The following USP49 variants were observed in gnomAD, a reference collection of about 807,000 sequenced individuals.
USP49 encodes ubiquitin carboxyl-terminal hydrolase 49.
Under a neutral mutation model 58.6 loss-of-function variants are expected in USP49, and 24 were observed. That is an observed-to-expected ratio of 0.41 (90% CI 0.30 to 0.58). USP49 has a LOEUF of 0.58. Among genes scored for constraint, USP49 ranks in the 20% least tolerant of loss-of-function variants. USP49 has a pLI of 0.30. For synonymous variants in USP49, 408 were observed against 365.1 expected, an observed-to-expected ratio of 1.12 and a Z score of -1.34; for missense variants, 703 against 866.1, an observed-to-expected ratio of 0.81 and a Z score of 2.36.
At chr6:41,861,941 A>G (rs1266999973) in intron 3 of USP49, among the ~76,000 whole-genome samples, 5 of 152,038 alleles carry the variant, frequency 3.3e-5, no homozygotes, top group African/African-American at 1.2e-4. Context: ...CCCTCAGGCA[A>G]TCCGCCCACC....
rs762781598 is a variant in USP49, at chr6:41,806,430, GCCT to G, written c.551_553del (p.Glu184del). 3 of 1,581,916 alleles carry G rather than the reference GCCT, an allele frequency of 1.9e-6. No individual in the cohort carries two copies. The highest frequency in any genetic ancestry group is 1.3e-5 in the African/African-American group (1 of 74,436). Reference sequence around the variant, plus strand: ...TTTCACCTCGCGCCGCCGCCTCCGCGCCTCCTCCTTCTTGCGCTCCAGGGCCTC... The same window carrying G: ...TTTCACCTCGCGCCGCCGCCTCCGCGCCTCCTTCTTGCGCTCCAGGGCCTC... On this transcript the variant is annotated inframe_deletion, in exon 4 of 8. Transcript: ENST00000682992. This position sits in a 1 kb window ranked among gnomAD's most constrained non-coding sequence, Gnocchi z 5.9.
chr6:41,881,135 T>A (rs1263253172), intron 2 of USP49, among the ~76,000 whole-genome samples: 3 of 151,540 alleles, frequency 2.0e-5, no homozygotes, highest in African/African-American at 7.3e-5. Context: ...GGTTTCACCA[T>A]GTTGGCCAGG....
At chr6:41,858,855 G>A (rs909782524) in intron 3 of USP49, among the ~76,000 whole-genome samples, 2 of 151,932 alleles carry the variant, frequency 1.3e-5, no homozygotes, top group Admixed American at 1.3e-4. Flanking sequence ...TCTAAACATA[G>A]TATGTATTTA....
intron 4 of USP49, 113 bp downstream of exon 4, chr6:41,805,515 T>C (rs891500683): frequency 8.4e-7 from 1 of 1,195,050 alleles, no homozygotes; most frequent in African/African-American, 1.5e-5. Context: ...CCAAATTGCA[T>C]AATCACAGCA....
Position 41,841,107 on chromosome 6 carries a change from T to C in USP49, c.-29+30457A>G, listed in dbSNP as rs573998076. Among the ~76,000 whole-genome samples the C allele has an allele frequency of 5.3e-5, 8 of 152,210 alleles. No homozygotes were observed. In the East Asian group the frequency reaches 1.4e-3, roughly 26 times the overall value. On this transcript the variant is annotated intron_variant, in intron 3 of 7. Coordinates refer to ENST00000682992, the MANE Select transcript of USP49 (RefSeq NM_001286554.2). ...TTCTGAGTATTTCCCATAGGCCCCA[T>C]AGGCTCCTTGCAATGTAGACAAACT...
At chr6:41,807,077 TAA>T (rs11393933) in intron 3 of USP49, 66 bp from the exon 4 acceptor site, 1,861 of 1,033,126 alleles carry the variant, frequency 1.8e-3, no homozygotes, top group South Asian at 4.5e-3. Context: ...ATATTTTCCT[TAA>T]AAAAAAAAAA....
chr6:41,860,261 G>C (rs890978496), intron 3 of USP49, among the ~76,000 whole-genome samples: 1 of 151,354 alleles, frequency 6.6e-6, no homozygotes, highest in Non-Finnish European at 1.5e-5. Context: ...TGCAAGGAGA[G>C]AGGGAGGGAG....
At position 41,867,587 on chromosome 6, in the gene USP49, C is replaced by CAAA. The variant is rs766568260; in HGVS notation, c.-29+3974_-29+3976dup. Among the ~76,000 whole-genome samples the CAAA allele has an allele frequency of 2.4e-3, 169 of 71,166 alleles. 3 individuals carry two copies. Among genetic ancestry groups the CAAA allele is most frequent in the East Asian group, 0.022 (63 of 2,928 alleles). 46.7% of individuals were successfully genotyped at this position (71,166 alleles called of 152,430 possible). On this transcript the variant is annotated intron_variant, in intron 3 of 7. Coordinates refer to ENST00000682992, the MANE Select transcript of USP49 (RefSeq NM_001286554.2). ...TGAAACCCCGTCTCTACTAAAAATA[C>CAAA]AAAAAAAAAAAAAAAAAAGCTAGGA... is the stretch of plus-strand genomic sequence containing the variant.
intron 3 of USP49, among the ~76,000 whole-genome samples, chr6:41,814,867 C>G (rs1038685190): frequency 6.6e-6 from 1 of 152,158 alleles, no homozygotes; most frequent in African/African-American, 2.4e-5. Flanking sequence ...TCATCAACAT[C>G]TGTGATTCTG....
chr6:41,797,050 CGCCATTCTCCT>C (rs1462006818), intron 7 of USP49, among the ~76,000 whole-genome samples: 6 of 150,886 alleles, frequency 4.0e-5, no homozygotes, highest in East Asian at 2.0e-4. Context: ...CCCAGGTTCA[CGCCATTCTCCT>C]GCCATTCTCC....
At chr6:41,831,542 T>C (rs2127342130) in intron 3 of USP49, among the ~76,000 whole-genome samples, 1 of 148,760 alleles carries the variant, frequency 6.7e-6, no homozygotes, top group Non-Finnish European at 1.5e-5. Context: ...ACCGTAACAT[T>C]GCACTCCAGC....
Position 41,836,215 on chromosome 6 carries a change from C to T in USP49, c.-28-29204G>A, listed in dbSNP as rs184929040. The stretch of plus-strand genomic sequence containing the variant: ...TAGGTCTTTCTTCACAAAGCAGTAC[C>T]CAAAGGCTCTGAAATAGGACACCCT... On this transcript the variant is annotated intron_variant, in intron 3 of 7. Transcript: ENST00000682992. Among the ~76,000 whole-genome samples, 12 of 151,944 alleles carry T rather than the reference C, an allele frequency of 7.9e-5. No homozygotes were observed. The East Asian group carries it at 2.3e-3, about 29-fold the overall frequency.
chr6:41,851,222 T>C (rs1031533008), intron 3 of USP49, among the ~76,000 whole-genome samples: 1 of 152,212 alleles, frequency 6.6e-6, no homozygotes, highest in Non-Finnish European at 1.5e-5. Context: ...TTTGTGAGTA[T>C]TGAGGTAAAA....
intron 5 of USP49, among the ~76,000 whole-genome samples, chr6:41,802,439 T>A (rs1561902583): frequency 1.9e-5 from 1 of 54,040 alleles, no homozygotes; most frequent in Non-Finnish European, 3.7e-5. Context: ...TTTATTTATT[T>A]ATTTATTTAT....
chr6:41,796,593 A>G lies in USP49; in HGVS notation c.2007T>C (p.His669=). ...VQGNARISET[H]LQAQVQSSNN... is the part of the protein sequence containing the mutation. ...TGCTGGACTGCACCTGAGCTTGGAG[A>G]TGGGTTTCTGAGATTCTTGCATTGC... Residue 669 remains histidine (H), a synonymous_variant, in exon 8 of 8, where the codon CAT becomes CAC. Transcript: ENST00000682992. 1.4e-6 allele frequency: 1 copy of G among 717,432 alleles called. No individual in the cohort carries two copies. Among genetic ancestry groups the G allele is most frequent in the Admixed American group, 2.0e-5 (1 of 50,010 alleles). The allele number at this position is 717,432 out of a possible 1,614,324, so 44.4% of individuals were successfully genotyped here. A position where few individuals can be genotyped will look rare whatever the true frequency, so the allele number is the denominator to read the frequency against.
chr6:41,884,116 TG>T (rs1774666047), intron 2 of USP49, among the ~76,000 whole-genome samples: 1 of 152,112 alleles, frequency 6.6e-6, no homozygotes, highest in African/African-American at 2.4e-5. Flanking sequence ...CTCCACCTGC[TG>T]GGTTCAAGCA....
At chr6:41,829,565 A>C (rs1773601141) in intron 3 of USP49, among the ~76,000 whole-genome samples, 1 of 152,184 alleles carries the variant, frequency 6.6e-6, no homozygotes, top group Admixed American at 6.5e-5. Context: ...TGCCCACCTC[A>C]GCCTTCCAAA....
chr6:41,872,891 G>C (rs1286528004), intron 2 of USP49: 12 of 149,272 alleles, frequency 8.0e-5, no homozygotes, highest in African/African-American at 2.7e-4. Flanking sequence ...GGGCGACAGA[G>C]AGAGACTCCA....
intron 3 of USP49, 138 bp from the exon 4 acceptor site, chr6:41,807,149 A>C: frequency 3.0e-6 from 3 of 985,142 alleles, no homozygotes; most frequent in Non-Finnish European, 4.0e-6. Context: ...TCAACTCCAA[A>C]TTGGTTCCTT....
Sources: allele counts gnomAD v4.1 joint callset (sites outside exome capture counted in the v4.1 genomes callset), GRCh38; gene constraint gnomAD v4.1.1; non-coding constraint Gnocchi (gnomAD v3.1); transcripts MANE v1.5; gene names NCBI Gene and HGNC (gene_info 2026-07-23, HGNC 2026-07-21).